The following TMEM38B variants were observed in gnomAD, a reference collection of about 807,000 sequenced individuals.
TMEM38B encodes trimeric intracellular cation channel type B.
In TMEM38B, 24 loss-of-function variants were observed where a neutral mutation model predicts 28.7. The ratio of observed to expected loss-of-function variants is 0.84; its 90% CI spans 0.61 to 1.18. The LOEUF is 1.18. TMEM38B is among the 50% of genes most tolerant of loss of function. The pLI, the probability that TMEM38B is intolerant of heterozygous loss-of-function variation, is 0.00. For missense variants in TMEM38B, 380 were observed against 350.9 expected (o/e 1.08, Z -0.66); for synonymous variants, 131 against 127.7 (o/e 1.03, Z -0.17).
chr9:105,704,935 A>G (rs528072198), intron 1 of TMEM38B, among the ~76,000 whole-genome samples: 2 of 152,202 alleles, frequency 1.3e-5, no homozygotes, highest in South Asian at 4.2e-4. Flanking sequence ...AAGTAAAAAA[A>G]AAAAAGAGAT....
At chr9:105,708,399 C>A (rs987334719) in intron 2 of TMEM38B, among the ~76,000 whole-genome samples, 6 of 152,070 alleles carry the variant, frequency 3.9e-5, no homozygotes, top group African/African-American at 1.2e-4. Flanking sequence ...TATAGGGGCT[C>A]TCACATTCAC....
intron 2 of TMEM38B, among the ~76,000 whole-genome samples, chr9:105,709,278 C>A (rs937474294): frequency 2.0e-5 from 3 of 152,082 alleles, no homozygotes; most frequent in Admixed American, 1.3e-4. Context: ...CAGTATATTA[C>A]AGTCACTGCA....
chr9:105,735,471 G>T (rs73518183), intron 4 of TMEM38B, among the ~76,000 whole-genome samples: 5,226 of 152,248 alleles, frequency 0.034, 236 homozygotes, highest in African/African-American at 0.1. Flanking sequence ...TGTAAGACTG[G>T]TCTAGTGGTG....
At chr9:105,766,742 T>C (rs2133649351) in intron 5 of TMEM38B, among the ~76,000 whole-genome samples, 1 of 148,628 alleles carries the variant, frequency 6.7e-6, no homozygotes, top group African/African-American at 2.4e-5. Context: ...TTTTTTTCTG[T>C]TTTTTTTTAT....
At chr9:105,733,418 TTTC>T (rs2133595254) in intron 4 of TMEM38B, among the ~76,000 whole-genome samples, 1 of 139,690 alleles carries the variant, frequency 7.2e-6, no homozygotes, top group African/African-American at 3.0e-5. Context: ...AGTTTTCTTT[TTTC>T]TTTTTTTTTT....
At chr9:105,739,787 A>C (rs1304700706) in intron 4 of TMEM38B, among the ~76,000 whole-genome samples, 1 of 151,410 alleles carries the variant, frequency 6.6e-6, no homozygotes, top group Non-Finnish European at 1.5e-5. Context: ...GGCCTCCTAA[A>C]ATGTTGGGAT....
intron 5 of TMEM38B, among the ~76,000 whole-genome samples, chr9:105,765,166 G>A (rs1418496590): frequency 2.6e-5 from 4 of 152,070 alleles, no homozygotes; most frequent in African/African-American, 9.7e-5. Flanking sequence ...AACTTTTTTT[G>A]TTTATAGATT....
At chr9:105,729,513 G>A (rs542367237) in intron 4 of TMEM38B, among the ~76,000 whole-genome samples, 13 of 152,256 alleles carry the variant, frequency 8.5e-5, no homozygotes, top group East Asian at 1.9e-4. Context: ...GTCAGGTAGC[G>A]TGATGCCTCC....
In TMEM38B at chr9:105,707,270, G is replaced by T. The variant is rs529292282; in HGVS notation, c.269+1517G>T. 2.6e-5 allele frequency among the ~76,000 whole-genome samples: 4 copies of T among 152,156 alleles called. No individual in the cohort carries two copies. In the South Asian group the frequency reaches 8.3e-4, roughly 32 times the overall value. ...TATTTAATTATTCTTCTCATACTCT[G>T]TTGATTTTATGAGATCTTTAAATTT... On this transcript the variant is annotated intron_variant, in intron 2 of 5. Transcript: ENST00000374692.
intron 4 of TMEM38B, among the ~76,000 whole-genome samples, chr9:105,740,571 G>A (rs1418970556): frequency 1.3e-5 from 2 of 152,026 alleles, no homozygotes; most frequent in Non-Finnish European, 1.5e-5. Flanking sequence ...CGGCCCCTAG[G>A]TATTCTTTAA....
intron 4 of TMEM38B, among the ~76,000 whole-genome samples, chr9:105,745,557 A>G (rs1837357032): frequency 6.6e-6 from 1 of 152,088 alleles, no homozygotes; most frequent in South Asian, 2.1e-4. Context: ...CTCTGATGGT[A>G]GTTTCTTTTG....
At chr9:105,726,075 C>T (rs10978220) in intron 4 of TMEM38B, among the ~76,000 whole-genome samples, 15,840 of 151,778 alleles carry the variant, frequency 0.1, 1,278 homozygotes, top group East Asian at 0.47. Context: ...CAGTGTGTAG[C>T]GACATCAAGG....
intron 4 of TMEM38B, among the ~76,000 whole-genome samples, chr9:105,734,491 T>A (rs1836893928): frequency 6.6e-6 from 1 of 152,110 alleles, no homozygotes; most frequent in Non-Finnish European, 1.5e-5. Flanking sequence ...TCAGTATTTC[T>A]TTATTAATGC....
At chr9:105,767,421 T>C (rs985335616) in intron 5 of TMEM38B, among the ~76,000 whole-genome samples, 3 of 152,222 alleles carry the variant, frequency 2.0e-5, no homozygotes, top group Non-Finnish European at 2.9e-5. Flanking sequence ...TAGGATAGTC[T>C]ACATCTTTTA....
intron 4 of TMEM38B, 73 bp from the exon 5 acceptor site, chr9:105,747,999 CA>C (rs1388641170): frequency 1.1e-6 from 1 of 946,408 alleles, no homozygotes; most frequent in Non-Finnish European, 1.7e-6. Flanking sequence ...TAATGTTTTG[CA>C]GTGCACTCTT....
intron 5 of TMEM38B, among the ~76,000 whole-genome samples, chr9:105,750,937 C>T (rs1186980022): frequency 6.6e-6 from 1 of 152,186 alleles, no homozygotes; most frequent in Non-Finnish European, 1.5e-5. Context: ...TGTCAAAAAT[C>T]AGTTGACTGT....
At chr9:105,714,602 T>G (rs1259544901) in intron 2 of TMEM38B, among the ~76,000 whole-genome samples, 1 of 152,262 alleles carries the variant, frequency 6.6e-6, no homozygotes, top group Non-Finnish European at 1.5e-5. Flanking sequence ...AAAATAATTA[T>G]GAGCTCATGG....
chr9:105,769,101 A>T (rs1287915532), intron 5 of TMEM38B, among the ~76,000 whole-genome samples: 4 of 152,218 alleles, frequency 2.6e-5, no homozygotes, highest in African/African-American at 9.6e-5. Flanking sequence ...GGTATGCCTG[A>T]TATATAACAA....
intron 4 of TMEM38B, among the ~76,000 whole-genome samples, chr9:105,726,892 G>A (rs74425701): frequency 6.6e-6 from 1 of 151,832 alleles, no homozygotes. Flanking sequence ...ATCCAAGAGA[G>A]TATTTGTAGG....
Sources: allele counts gnomAD v4.1 joint callset (sites outside exome capture counted in the v4.1 genomes callset), GRCh38; gene constraint gnomAD v4.1.1; transcripts MANE v1.5; gene names NCBI Gene and HGNC (gene_info 2026-07-23, HGNC 2026-07-21).